The following TMEM217B variants were observed in gnomAD, a reference collection of about 807,000 sequenced individuals.
The protein encoded by TMEM217B is transmembrane protein 217B.
At chr6:37,222,021 A>G in the TMEM217B span, among the ~76,000 whole-genome samples, 3 of 152,082 alleles carry the variant, frequency 2.0e-5, no homozygotes, top group Non-Finnish European at 4.4e-5. Context: ...CTATCAGCAG[A>G]GAGGATAGCT....
the TMEM217B span, among the ~76,000 whole-genome samples, chr6:37,214,036 G>T: frequency 6.6e-6 from 1 of 152,346 alleles, no homozygotes; most frequent in Admixed American, 6.5e-5. Context: ...GCCAGGCAGA[G>T]CACAGACAGG....
At chr6:37,218,388 G>T in the TMEM217B span, 1 of 1,467,858 alleles carries the variant, frequency 6.8e-7, no homozygotes, top group South Asian at 1.2e-5. Context: ...CCAAGGCCAG[G>T]CTGGTCTTGA....
the TMEM217B span, among the ~76,000 whole-genome samples, chr6:37,253,258 C>T: frequency 6.6e-6 from 1 of 152,166 alleles, no homozygotes; most frequent in Non-Finnish European, 1.5e-5. Flanking sequence ...TTTAAATCTT[C>T]ATATTCTTTT....
At chr6:37,212,914 G>C in the TMEM217B span, 1 of 1,548,384 alleles carries the variant, frequency 6.5e-7, no homozygotes, top group Non-Finnish European at 8.7e-7. Context: ...GAAGAACTGG[G>C]TGGTATTAAG....
the TMEM217B span, chr6:37,218,706 C>G: frequency 3.1e-6 from 5 of 1,613,954 alleles, no homozygotes; most frequent in African/African-American, 2.7e-5. Context: ...TGTATTACGA[C>G]GTTTGCAGTT....
chr6:37,234,820 A>G, the TMEM217B span, among the ~76,000 whole-genome samples: 1 of 152,208 alleles, frequency 6.6e-6, no homozygotes, highest in Non-Finnish European at 1.5e-5. Flanking sequence ...AGAAGAACTG[A>G]AAGTGGTTAC....
chr6:37,253,954 C>T, the TMEM217B span, among the ~76,000 whole-genome samples: 5 of 152,208 alleles, frequency 3.3e-5, no homozygotes, highest in Non-Finnish European at 7.3e-5. Context: ...TACTTTGCCA[C>T]ATTTTAAGTT....
chr6:37,243,168 G>T, the TMEM217B span, among the ~76,000 whole-genome samples: 30 of 152,302 alleles, frequency 2.0e-4, no homozygotes, highest in African/African-American at 6.5e-4. Context: ...CCACCACGGA[G>T]ATGTTGTCCC....
chr6:37,250,703 G>GCA, the TMEM217B span, among the ~76,000 whole-genome samples: 1 of 152,152 alleles, frequency 6.6e-6, no homozygotes, highest in Non-Finnish European at 1.5e-5. Flanking sequence ...GCGTGTGCAC[G>GCA]CACACACACA....
the TMEM217B span, chr6:37,219,052 AAAC>A: frequency 6.2e-7 from 1 of 1,601,764 alleles, no homozygotes. Context: ...CTGTGAAGAC[AAAC>A]AACATGAGGG....
At chr6:37,243,615 T>C in the TMEM217B span, among the ~76,000 whole-genome samples, 2 of 152,210 alleles carry the variant, frequency 1.3e-5, no homozygotes, top group Non-Finnish European at 2.9e-5. Context: ...TTTTGTTTTT[T>C]GAGACAGAGT....
chr6:37,227,507 C>T, the TMEM217B span, among the ~76,000 whole-genome samples: 3 of 152,068 alleles, frequency 2.0e-5, no homozygotes, highest in Admixed American at 6.6e-5. Context: ...AGTGTAGTGG[C>T]GCGATCTTGG....
At chr6:37,218,785 G>A in the TMEM217B span, 7 of 1,614,222 alleles carry the variant, frequency 4.3e-6, no homozygotes, top group Non-Finnish European at 5.9e-6. Context: ...CTGAGTACAG[G>A]AGGAAGCAGC....
At chr6:37,250,751 A>T in the TMEM217B span, among the ~76,000 whole-genome samples, 2 of 152,214 alleles carry the variant, frequency 1.3e-5, no homozygotes, top group African/African-American at 4.8e-5. Context: ...GCTGGGAAAA[A>T]TTTTTGCTAA....
At chr6:37,256,933 T>C in the TMEM217B span, among the ~76,000 whole-genome samples, 10 of 152,282 alleles carry the variant, frequency 6.6e-5, no homozygotes, top group Admixed American at 5.9e-4. Flanking sequence ...TAAATCTCAT[T>C]GTCTGGGAAA....
chr6:37,235,339 T>C, the TMEM217B span, among the ~76,000 whole-genome samples: 3 of 152,282 alleles, frequency 2.0e-5, no homozygotes, highest in East Asian at 1.9e-4. Flanking sequence ...GACTGGGTAA[T>C]ATATAAAGAA....
the TMEM217B span, chr6:37,212,393 C>G: frequency 2.6e-6 from 1 of 388,440 alleles, no homozygotes; most frequent in South Asian, 1.9e-5. Context: ...TCCCTCCCAC[C>G]TTTCCTGGCA....
At chr6:37,242,860 G>A in the TMEM217B span, among the ~76,000 whole-genome samples, 1 of 152,136 alleles carries the variant, frequency 6.6e-6, no homozygotes, top group Non-Finnish European at 1.5e-5. Flanking sequence ...CAGTATCCCA[G>A]GCAGGAGTGT....
chr6:37,253,102 A>G, the TMEM217B span, among the ~76,000 whole-genome samples: 1 of 152,200 alleles, frequency 6.6e-6, no homozygotes, highest in African/African-American at 2.4e-5. Flanking sequence ...TCATGCAAAG[A>G]TATTTTATAT....
Sources: gnomAD v4.1 joint callset for allele counts (sites outside exome capture counted in the v4.1 genomes callset) on GRCh38, gnomAD v4.1.1 for gene constraint, MANE v1.5 for transcripts, NCBI Gene and HGNC (gene_info 2026-07-23, HGNC 2026-07-21) for gene names.